DCLK2: variants seen among roughly 807,000 people sequenced by gnomAD.
DCLK2 encodes serine/threonine-protein kinase DCLK2.
A neutral mutation model predicts 78.4 loss-of-function variants in DCLK2; 31 were observed. The observed-to-expected ratio is 0.40, with a 90% confidence interval of 0.30 to 0.53. The LOEUF is 0.53. DCLK2 is among the 20% of genes least tolerant of loss of function. The probability of loss-of-function intolerance (pLI) is 0.61; values close to 1 mark genes in which losing one functional copy is unlikely to be tolerated. For missense variants in DCLK2, 872 were observed against 973.7 expected (o/e 0.90, Z 1.39); for synonymous variants, 407 against 374.9 (o/e 1.09, Z -0.99).
At position 150,113,216 on chromosome 4, in the gene DCLK2, T is replaced by C. The variant is rs540419267; in HGVS notation, c.756+10404T>C. Among the ~76,000 whole-genome samples, 25 of 152,310 alleles carry C rather than the reference T, an allele frequency of 1.6e-4. No homozygotes were observed. The South Asian group carries it at 4.8e-3, about 29-fold the overall frequency. On this transcript the variant is annotated intron_variant, in intron 2 of 15. Coordinates refer to ENST00000296550, the MANE Select transcript of DCLK2 (RefSeq NM_001040260.4). Reference sequence around the variant, plus strand: ...TGGTCTGTAGTTTTCCTTTTTGTTATGTCCTTTTCTAGTTTGGGTATCAGG... The same window carrying C: ...TGGTCTGTAGTTTTCCTTTTTGTTACGTCCTTTTCTAGTTTGGGTATCAGG...
At position 150,204,770 on chromosome 4, in the gene DCLK2, T is replaced by C. The variant is rs551395620; in HGVS notation, c.1056+881T>C. 1.4e-4 allele frequency among the ~76,000 whole-genome samples: 22 copies of C among 152,068 alleles called. 1 individual carries two copies. In the South Asian group the frequency reaches 4.6e-3, roughly 32 times the overall value. On this transcript the variant is annotated intron_variant, in intron 5 of 15. Coordinates refer to ENST00000296550, the MANE Select transcript of DCLK2 (RefSeq NM_001040260.4). ...AGCCGGGCCTGGTGGTACAAACCTG[T>C]AATCCCAGCTACTCTGTGGGCTGAG...
intron 5 of DCLK2, among the ~76,000 whole-genome samples, chr4:150,210,386 C>T (rs888322691): frequency 6.6e-6 from 1 of 152,152 alleles, no homozygotes; most frequent in African/African-American, 2.4e-5. Context: ...AGAAGTCAGA[C>T]TCCAGATTTT....
intron 2 of DCLK2, among the ~76,000 whole-genome samples, chr4:150,120,022 A>T (rs1459911651): frequency 6.6e-6 from 1 of 152,190 alleles, no homozygotes; most frequent in Non-Finnish European, 1.5e-5. Flanking sequence ...GTATCTTATT[A>T]TGAATGCCTG....
intron 2 of DCLK2, among the ~76,000 whole-genome samples, chr4:150,130,369 T>C (rs1733221397): frequency 6.6e-6 from 1 of 151,926 alleles, no homozygotes; most frequent in African/African-American, 2.4e-5. Context: ...CGTGAAGAAA[T>C]AGAATGCAAA....
At chr4:150,117,222 G>C (rs2150176160) in intron 2 of DCLK2, among the ~76,000 whole-genome samples, 1 of 152,204 alleles carries the variant, frequency 6.6e-6, no homozygotes, top group African/African-American at 2.4e-5. Context: ...TCTGCCTGGG[G>C]AGTGGGGAAT....
At chr4:150,217,415 CA>C (rs1430285098) in intron 5 of DCLK2, among the ~76,000 whole-genome samples, 1 of 152,148 alleles carries the variant, frequency 6.6e-6, no homozygotes, top group Non-Finnish European at 1.5e-5. Flanking sequence ...GTGGGAGGTC[CA>C]ATGAACTGAA....
intron 1 of DCLK2, among the ~76,000 whole-genome samples, chr4:150,096,386 A>G (rs1450158805): frequency 6.6e-6 from 1 of 152,146 alleles, no homozygotes; most frequent in East Asian, 1.9e-4. Context: ...CTAGAGAGGG[A>G]TATTCTGTTA....
chr4:150,165,396 GT>G (rs112281534), intron 2 of DCLK2, among the ~76,000 whole-genome samples: 5 of 149,342 alleles, frequency 3.3e-5, no homozygotes, highest in African/African-American at 4.9e-5. Context: ...CCAGGGTTGA[GT>G]TTTTTTTTTG....
chr4:150,161,234 C>G, intron 2 of DCLK2, among the ~76,000 whole-genome samples: 1 of 152,154 alleles, frequency 6.6e-6, no homozygotes, highest in Non-Finnish European at 1.5e-5. Flanking sequence ...TACAGGCTAT[C>G]TTTTAACTCA....
intron 2 of DCLK2, among the ~76,000 whole-genome samples, chr4:150,115,982 G>A (rs1259429498): frequency 6.6e-6 from 1 of 152,120 alleles, no homozygotes; most frequent in Non-Finnish European, 1.5e-5. Context: ...AGGGAAGGGA[G>A]GGAGCCAACT....
intron 12 of DCLK2, among the ~76,000 whole-genome samples, chr4:150,242,574 C>G (rs1743006563): frequency 6.6e-6 from 1 of 152,166 alleles, no homozygotes; most frequent in Admixed American, 6.5e-5. Context: ...GATGACCCCA[C>G]TTGCACACCT....
intron 2 of DCLK2, among the ~76,000 whole-genome samples, chr4:150,151,750 C>T (rs1039649962): frequency 8.5e-5 from 13 of 152,060 alleles, no homozygotes; most frequent in African/African-American, 3.1e-4. Context: ...CATAGTGAAA[C>T]CCCGTCTCTA....
chr4:150,232,917 C>T (rs1742194882), intron 10 of DCLK2, 89 bp downstream of exon 10: 1 of 1,461,282 alleles, frequency 6.8e-7, no homozygotes, highest in Non-Finnish European at 9.3e-7. Flanking sequence ...ATAGTCTATA[C>T]CAATCCTACA....
At chr4:150,092,615 CCTTT>C (rs1730164471) in intron 1 of DCLK2, among the ~76,000 whole-genome samples, 1 of 152,032 alleles carries the variant, frequency 6.6e-6, no homozygotes, top group African/African-American at 2.4e-5. Flanking sequence ...CTATTCAGAT[CCTTT>C]CTCTTTTTAA....
At chr4:150,108,684 G>A (rs1386323204) in intron 2 of DCLK2, among the ~76,000 whole-genome samples, 1 of 152,042 alleles carries the variant, frequency 6.6e-6, no homozygotes, top group Non-Finnish European at 1.5e-5. Context: ...ACAGCAAGGA[G>A]AATTTTTTTT....
At chr4:150,242,210 C>A (rs530644912) in intron 12 of DCLK2, among the ~76,000 whole-genome samples, 1 of 152,292 alleles carries the variant, frequency 6.6e-6, no homozygotes, top group South Asian at 2.1e-4. Context: ...TAAAGACACA[C>A]CTCACAAGAC....
intron 2 of DCLK2, among the ~76,000 whole-genome samples, chr4:150,152,947 T>G (rs764640272): frequency 6.6e-6 from 1 of 152,132 alleles, no homozygotes; most frequent in Non-Finnish European, 1.5e-5. Flanking sequence ...TTTAAGATGT[T>G]AAACAAAATA....
At chr4:150,150,879 G>A (rs1164734321) in intron 2 of DCLK2, among the ~76,000 whole-genome samples, 1 of 152,226 alleles carries the variant, frequency 6.6e-6, no homozygotes. Flanking sequence ...ATAAAGGAGG[G>A]CAGCACTGAA....
intron 2 of DCLK2, among the ~76,000 whole-genome samples, chr4:150,108,901 G>T (rs1731459171): frequency 1.3e-5 from 2 of 152,138 alleles, no homozygotes; most frequent in South Asian, 2.1e-4. Context: ...GATGCTTTAG[G>T]GGTAAAACAC....
Sources: gnomAD v4.1 joint callset for allele counts (sites outside exome capture counted in the v4.1 genomes callset) on GRCh38, gnomAD v4.1.1 for gene constraint, MANE v1.5 for transcripts, NCBI Gene and HGNC (gene_info 2026-07-23, HGNC 2026-07-21) for gene names.